The following CACNA2D4 variants were observed in gnomAD, a reference collection of about 807,000 sequenced individuals.
CACNA2D4 encodes the protein voltage-dependent calcium channel subunit alpha-2/delta-4.
In CACNA2D4, 157 loss-of-function variants were observed where a neutral mutation model predicts 163.8. The observed-to-expected ratio is 0.96, with a 90% CI of 0.84 to 1.09. The LOEUF is 1.09. Among genes scored for constraint, CACNA2D4 ranks in the 50% least tolerant of loss-of-function variants. CACNA2D4 has a pLI of 0.00. For synonymous variants in CACNA2D4, 598 were observed against 586.9 expected (o/e 1.02, Z -0.27); for missense variants, 1,410 against 1,479.9 (o/e 0.95, Z 0.78).
chr12:1,900,094 C>T (rs1025135353), intron 6 of CACNA2D4, among the ~76,000 whole-genome samples: 1 of 152,064 alleles, frequency 6.6e-6, no homozygotes, highest in African/African-American at 2.4e-5. Context: ...CAATGCTAGA[C>T]CACTATGAAA....
chr12:1,861,110 T>C (rs1865516011), intron 18 of CACNA2D4, among the ~76,000 whole-genome samples: 1 of 152,264 alleles, frequency 6.6e-6, no homozygotes, highest in South Asian at 2.1e-4. Context: ...GGACTTGTTC[T>C]TATTCCCTTT....
intron 6 of CACNA2D4, among the ~76,000 whole-genome samples, chr12:1,899,167 A>G (rs1046837558): frequency 2.0e-5 from 3 of 152,132 alleles, no homozygotes; most frequent in Non-Finnish European, 4.4e-5. Context: ...GAGATGCAGC[A>G]AAAACAGAGC....
chr12:1,793,788 C>A (rs201622475), intron 37 of CACNA2D4, 29 bp from the exon 38 acceptor site: 1 of 1,591,272 alleles, frequency 6.3e-7, no homozygotes, highest in Non-Finnish European at 8.6e-7. Context: ...GGTGACAGCG[C>A]GGCGCTCAGA....
rs73032423 is a variant in CACNA2D4 at position 1,875,587 on chromosome 12, G to A, written c.1720-250C>T. 0.2 allele frequency among the ~76,000 whole-genome samples: 30,996 copies of A among 152,020 alleles called. 5,063 individuals carry two copies. Among genetic ancestry groups the A allele is most frequent in the African/African-American group, 0.46 (18,876 of 41,392 alleles). On this transcript the variant is annotated intron_variant, in intron 16 of 37. Transcript: ENST00000382722. The surrounding 1 kb of genome is among the most constrained non-coding windows in gnomAD (Gnocchi z 4.0). The stretch of plus-strand genomic sequence containing the variant: ...CCCATGGCAGGGAGCTCCCTATCTC[G>A]TGGGTCAGCTTGTTGGAGCTTTGGA...
chr12:1,867,394 T>C (rs1592721153), intron 18 of CACNA2D4, among the ~76,000 whole-genome samples: 1 of 152,178 alleles, frequency 6.6e-6, no homozygotes, highest in East Asian at 1.9e-4. Context: ...TCTCTGTCTT[T>C]TTCCCCATTT....
intron 18 of CACNA2D4, among the ~76,000 whole-genome samples, chr12:1,863,866 G>GA (rs1217410134): frequency 2.7e-5 from 4 of 148,020 alleles, no homozygotes; most frequent in Admixed American, 6.8e-5. Flanking sequence ...GGATCACCCT[G>GA]AATGTCAACA....
At position 1,797,463 on chromosome 12, in the gene CACNA2D4, G is replaced by T. The variant is rs1279235349; in HGVS notation, c.3068C>A (p.Ala1023Asp). ...TEYPVFVYQP[A>D]IREANGIVEC... ...CACGATCCCGTTGGCCTCCCGGATG[G>T]CCGGCTGGTACACGAACACGGGGTA... The change falls in exon 35 of 38, where the codon GCC becomes GAC. Residue 1023 changes from alanine (A) to aspartate (D), a missense_variant. Physicochemically the swap from Ala to Asp is moderately radical, Grantham distance 126 (BLOSUM62 -2). Transcript: ENST00000382722. 6.3e-7 allele frequency: 1 copy of T among 1,583,766 alleles called. No individual in the cohort carries two copies. The highest frequency in any genetic ancestry group is 1.8e-5 in the Admixed American group (1 of 56,928).
At chr12:1,855,040 G>A (rs1865369054) in intron 22 of CACNA2D4, among the ~76,000 whole-genome samples, 1 of 152,124 alleles carries the variant, frequency 6.6e-6, no homozygotes, top group South Asian at 2.1e-4. Context: ...CACCCAAGTG[G>A]CTTAACAGGA....
intron 26 of CACNA2D4, chr12:1,827,988 T>G: frequency 1.9e-6 from 1 of 520,348 alleles, no homozygotes; most frequent in South Asian, 3.2e-5. Flanking sequence ...ATGAGGAGTG[T>G]AAAGAGACAC....
At chr12:1,797,396 C>G (rs986704208) in intron 35 of CACNA2D4, 22 bp downstream of exon 35, 1 of 1,489,778 alleles carries the variant, frequency 6.7e-7, no homozygotes, top group Non-Finnish European at 9.0e-7. Context: ...GCGGGACGGG[C>G]GGCGCCGCCC....
At chr12:1,871,597 T>C (rs1289484061) in intron 18 of CACNA2D4, among the ~76,000 whole-genome samples, 1 of 151,682 alleles carries the variant, frequency 6.6e-6, no homozygotes, top group East Asian at 1.9e-4. Context: ...TGTATGTGTG[T>C]ACACATGTAT....
chr12:1,813,977 T>C (rs1863798901), intron 26 of CACNA2D4, among the ~76,000 whole-genome samples: 1 of 152,154 alleles, frequency 6.6e-6, no homozygotes, highest in Non-Finnish European at 1.5e-5. Flanking sequence ...AAGACCACCC[T>C]AGACATTCAT....
intron 18 of CACNA2D4, among the ~76,000 whole-genome samples, chr12:1,871,080 T>TACG (rs1865761060): frequency 1.3e-5 from 2 of 151,536 alleles, no homozygotes; most frequent in African/African-American, 4.8e-5. Context: ...TACGCACGTG[T>TACG]TGCTGGTGTG....
rs76595378 is a variant in CACNA2D4, at chr12:1,859,732, G to A, written c.1940+413C>T. Among the ~76,000 whole-genome samples the A allele has an allele frequency of 3.9e-3, 597 of 152,348 alleles. 18 individuals are homozygous for A. The East Asian group carries it at 0.077, about 20-fold the overall frequency. On this transcript the variant is annotated intron_variant, in intron 19 of 37. Transcript: ENST00000382722. The stretch of plus-strand genomic sequence containing the variant: ...CAGAGTTGTAGGAGGCAGAGGTGAC[G>A]CATCAGTAAAGCAGGGAGTGCTGGA...
At chr12:1,816,572 A>G (rs1277450699) in intron 26 of CACNA2D4, among the ~76,000 whole-genome samples, 1 of 152,154 alleles carries the variant, frequency 6.6e-6, no homozygotes, top group African/African-American at 2.4e-5. Context: ...CCTCCCAAGC[A>G]GCTTTCCTGT....
rs757444091 is a variant in CACNA2D4, at chr12:1,801,121, G to A, written c.2793-3C>T. The A allele has an allele frequency of 3.5e-5, 57 of 1,613,646 alleles. 1 individual carries two copies. The highest frequency in any genetic ancestry group is 2.2e-5 in the South Asian group (2 of 91,086). ...CCTGATAGTCATACATAGTCACTCT[G>A]AAAATCAGAAGCGGGCTGTGATGAG... On this transcript the variant is annotated splice_region_variant and splice_polypyrimidine_tract_variant and intron_variant, in intron 30 of 37. Transcript: ENST00000382722.
chr12:1,848,692 A>G (rs1865207346), intron 23 of CACNA2D4, among the ~76,000 whole-genome samples: 1 of 151,958 alleles, frequency 6.6e-6, no homozygotes, highest in South Asian at 2.1e-4. Flanking sequence ...AAAGATGGCC[A>G]ATGAGGTTTT....
At chr12:1,819,222 A>T (rs1863997715) in intron 26 of CACNA2D4, among the ~76,000 whole-genome samples, 1 of 152,100 alleles carries the variant, frequency 6.6e-6, no homozygotes, top group African/African-American at 2.4e-5. Flanking sequence ...TTTCATGGAG[A>T]TGGAGAAGCA....
chr12:1,800,471 T>C (rs1863276281), intron 31 of CACNA2D4, 33 bp from the exon 32 acceptor site: 2 of 1,609,760 alleles, frequency 1.2e-6, no homozygotes, highest in Admixed American at 1.7e-5. Flanking sequence ...CGCTCGCACC[T>C]AGGTCCAAGG....
Sources: allele counts gnomAD v4.1 joint callset (sites outside exome capture counted in the v4.1 genomes callset), GRCh38; gene constraint gnomAD v4.1.1; non-coding constraint Gnocchi (gnomAD v3.1); transcripts MANE v1.5; gene names NCBI Gene and HGNC (gene_info 2026-07-23, HGNC 2026-07-21).